The following UACA variants were observed in gnomAD, a reference collection of about 807,000 sequenced individuals.
UACA encodes the protein nuclear membrane binding protein.
A neutral mutation model predicts 160.5 loss-of-function variants in UACA; 112 were observed. The observed-to-expected ratio is 0.70, with a 90% CI of 0.60 to 0.82. UACA has a LOEUF of 0.82. Ranked by LOEUF, UACA falls within the 40% of genes least tolerant of loss-of-function variation. The pLI, the probability that UACA is intolerant of heterozygous loss-of-function variation, is 0.00. For missense variants in UACA, 1,574 were observed against 1,614.6 expected (o/e 0.97, Z 0.43); for synonymous variants, 557 against 568.4 (o/e 0.98, Z 0.29).
intron 1 of UACA, among the ~76,000 whole-genome samples, chr15:70,756,741 C>T (rs1407160387): frequency 1.3e-5 from 2 of 152,046 alleles, no homozygotes; most frequent in Non-Finnish European, 1.5e-5. Context: ...GGCATGGTGG[C>T]GGGCAGCTGT....
the UACA span, among the ~76,000 whole-genome samples, chr15:70,775,650 A>T: frequency 1.3e-5 from 2 of 152,214 alleles, no homozygotes; most frequent in Non-Finnish European, 2.9e-5. Flanking sequence ...AGTATTCAAA[A>T]GATTAATTGA....
the UACA span, among the ~76,000 whole-genome samples, chr15:70,769,072 T>C: frequency 2.0e-5 from 3 of 152,018 alleles, no homozygotes; most frequent in African/African-American, 7.2e-5. Context: ...TAAATCTCAC[T>C]TTCGGGCCCG....
At position 70,667,061 on chromosome 15, in the gene UACA, A is replaced by ACCT; in HGVS notation, c.3620_3622dup (p.Glu1207dup). ...TTTTAATGCTTGTTTAGTATTCTGA[A>ACCT]CCTCCGACTGAAGTTTGGAGACTTC... is the stretch of plus-strand genomic sequence containing the variant. On this transcript the variant is annotated inframe_insertion, in exon 16 of 19. Coordinates refer to ENST00000322954, the MANE Select transcript of UACA (RefSeq NM_018003.4). The ACCT allele has an allele frequency of 6.2e-7, 1 of 1,613,322 alleles. No homozygotes were observed. Among genetic ancestry groups the ACCT allele is most frequent in the South Asian group, 1.1e-5 (1 of 91,010 alleles).
intron 1 of UACA, among the ~76,000 whole-genome samples, chr15:70,752,795 CT>C (rs1228328757): frequency 1.3e-5 from 2 of 152,132 alleles, no homozygotes; most frequent in Admixed American, 6.5e-5. Context: ...ACACACACCC[CT>C]CCAAATAAAA....
At chr15:70,712,201 CATCTGGTT>C (rs3086523) in intron 1 of UACA, among the ~76,000 whole-genome samples, 27,092 of 150,878 alleles carry the variant, frequency 0.18, 3,808 homozygotes, top group African/African-American at 0.39. Flanking sequence ...CACCAGAATC[CATCTGGTT>C]ATCTGGTTGT....
chr15:70,749,631 G>A (rs1244099029), intron 1 of UACA, among the ~76,000 whole-genome samples: 3 of 149,676 alleles, frequency 2.0e-5, no homozygotes, highest in Non-Finnish European at 4.4e-5. Flanking sequence ...CCCAGGAGGC[G>A]GAGCTTGCAG....
chr15:70,716,122 T>C (rs181156601), intron 1 of UACA, among the ~76,000 whole-genome samples: 23 of 152,292 alleles, frequency 1.5e-4, no homozygotes, highest in Admixed American at 1.4e-3. Context: ...TGTAACTTAA[T>C]TTGACAAATA....
intron 13 of UACA, among the ~76,000 whole-genome samples, chr15:70,673,854 T>TGTTGGTTG (rs568452545): frequency 5.3e-5 from 8 of 152,002 alleles, no homozygotes; most frequent in African/African-American, 1.9e-4. Context: ...CTTAGTAGTT[T>TGTTGGTTG]GTTGGTTGGT....
Position 70,695,111 on chromosome 15 carries a change from C to CA in UACA, c.213-7dup, listed in dbSNP as rs534411044. 4.0e-3 allele frequency: 5,552 copies of CA among 1,374,606 alleles called. No homozygotes were observed. The highest frequency in any genetic ancestry group is 4.3e-3 in the Non-Finnish European group (4,386 of 1,023,386). The allele number at this position is 1,374,606 out of a possible 1,614,324, so 85.2% of individuals were successfully genotyped here. ...TTGAGGTCACAACATGGAAGCTAAA[C>CA]AAAAAAAAAATATTTGTTGTGCTAA... On this transcript the variant is annotated splice_polypyrimidine_tract_variant and splice_region_variant and intron_variant, in intron 2 of 18. Coordinates refer to ENST00000322954, the MANE Select transcript of UACA (RefSeq NM_018003.4).
intron 1 of UACA, among the ~76,000 whole-genome samples, chr15:70,762,236 G>C (rs1438018217): frequency 5.8e-5 from 1 of 17,212 alleles, no homozygotes; most frequent in African/African-American, 2.5e-4. Context: ...CGATATAGGT[G>C]GAGAGAAAGG....
intron 2 of UACA, among the ~76,000 whole-genome samples, chr15:70,698,791 A>G (rs943098228): frequency 4.6e-5 from 7 of 152,162 alleles, no homozygotes; most frequent in South Asian, 2.1e-4. Context: ...TTTAAATGCT[A>G]TAAGTATAGA....
intron 10 of UACA, among the ~76,000 whole-genome samples, chr15:70,679,340 T>G (rs950768180): frequency 6.6e-6 from 1 of 151,348 alleles, no homozygotes; most frequent in Non-Finnish European, 1.5e-5. Context: ...GAGGCAGAGG[T>G]TGCAGTGAGC....
rs1294985784 is a variant in UACA at position 70,666,791 on chromosome 15, G to A, written c.3893C>T (p.Thr1298Ile). 2.5e-6 allele frequency: 4 copies of A among 1,612,646 alleles called. No homozygotes were observed. The African/African-American group carries it at 5.3e-5, about 22-fold the overall frequency. Residue 1298 changes from threonine to isoleucine, a missense_variant, in exon 16 of 19, where the codon ACA (threonine) becomes ATA (isoleucine). Thr to Ile is a moderately conservative substitution (Grantham distance 89). Coordinates refer to ENST00000322954, the MANE Select transcript of UACA (RefSeq NM_018003.4). Reference protein sequence around the residue: ...DQKERCDKSLTTITELQRRIQ... With the variant: ...DQKERCDKSLITITELQRRIQ... ...TCTTCTTTGTAACTCTGTGATTGTT[G>A]TTAAGGACTTATCACATCGTTCCTT...
chr15:70,758,291 T>C (rs1169133519), intron 1 of UACA: 3 of 152,214 alleles, frequency 2.0e-5, no homozygotes, highest in African/African-American at 7.2e-5. Flanking sequence ...GTTTCTTTAT[T>C]GTAATCCTCC....
At chr15:70,693,877 A>G (rs1898029840) in intron 3 of UACA, among the ~76,000 whole-genome samples, 1 of 152,214 alleles carries the variant, frequency 6.6e-6, no homozygotes, top group African/African-American at 2.4e-5. Context: ...GAAAGCATAT[A>G]TAAGCAATAA....
intron 1 of UACA, among the ~76,000 whole-genome samples, chr15:70,729,926 AG>A (rs1229579310): frequency 8.7e-6 from 1 of 114,314 alleles, no homozygotes; most frequent in African/African-American, 4.5e-5. Context: ...CCTGCAGCTG[AG>A]GGTCCTGTCT....
intron 1 of UACA, among the ~76,000 whole-genome samples, chr15:70,740,994 A>C (rs1899517407): frequency 1.3e-5 from 2 of 152,024 alleles, no homozygotes; most frequent in South Asian, 2.1e-4. Context: ...AGCCAAGATC[A>C]CACCACTGCA....
the UACA span, among the ~76,000 whole-genome samples, chr15:70,775,333 C>CCAGT: frequency 2.0e-5 from 3 of 152,162 alleles, no homozygotes; most frequent in Non-Finnish European, 4.4e-5. Flanking sequence ...TGAAAATCTA[C>CCAGT]CAGTCAGCTC....
Position 70,679,722 on chromosome 15 carries a change from C to A in UACA, c.823-46G>T, listed in dbSNP as rs773466654. 4.6e-6 allele frequency: 6 copies of A among 1,303,882 alleles called. No individual in the cohort carries two copies. The East Asian group carries it at 1.5e-4, about 33-fold the overall frequency. 80.8% of individuals were successfully genotyped at this position (1,303,882 alleles called of 1,614,324 possible). A position where few individuals can be genotyped will look rare whatever the true frequency, so the allele number is the denominator to read the frequency against. ...ACACGGGTCAGCAAGTGTAAGAATACAGAAAAGTATATTTTCCTCAATTGG... is the reference window on the plus strand; with the variant it reads ...ACACGGGTCAGCAAGTGTAAGAATAAAGAAAAGTATATTTTCCTCAATTGG... On this transcript the variant is annotated intron_variant, in intron 9 of 18. Transcript: ENST00000322954.
Sources: allele counts gnomAD v4.1 joint callset (sites outside exome capture counted in the v4.1 genomes callset), GRCh38; gene constraint gnomAD v4.1.1; transcripts MANE v1.5; gene names NCBI Gene and HGNC (gene_info 2026-07-23, HGNC 2026-07-21).